The following CTTNBP2 variants were observed in gnomAD, a reference collection of about 807,000 sequenced individuals.
CTTNBP2 encodes the protein cortactin binding protein 2, also known as cortactin-binding protein 2.
In CTTNBP2, 108 loss-of-function variants were observed where a neutral mutation model predicts 156.9. The ratio of observed to expected loss-of-function variants is 0.69; its 90% CI spans 0.59 to 0.81. The LOEUF is 0.81. Among genes scored for constraint, CTTNBP2 ranks in the 30% least tolerant of loss-of-function variants. The pLI, the probability that CTTNBP2 is intolerant of heterozygous loss-of-function variation, is 0.00. For synonymous variants in CTTNBP2, 767 were observed against 751.8 expected, an observed-to-expected ratio of 1.02 and a Z score of -0.33; for missense variants, 1,924 against 2,035.4, an observed-to-expected ratio of 0.95 and a Z score of 1.05.
chr7:117,763,555 CT>C (rs767309488), intron 9 of CTTNBP2, among the ~76,000 whole-genome samples: 1,749 of 103,372 alleles, frequency 0.017, 11 homozygotes, highest in African/African-American at 0.041. Context: ...TCTTCTTCTT[CT>C]TTTTTTTTTT....
intron 2 of CTTNBP2, among the ~76,000 whole-genome samples, chr7:117,858,153 G>T: frequency 6.6e-6 from 1 of 152,190 alleles, no homozygotes; most frequent in East Asian, 1.9e-4. Context: ...GGCAGATCAC[G>T]AGGTCAGGAG....
chr7:117,867,644 A>G (rs1432804470), intron 1 of CTTNBP2, among the ~76,000 whole-genome samples: 1 of 152,166 alleles, frequency 6.6e-6, no homozygotes, highest in Admixed American at 6.6e-5. Context: ...TCTTACTAAG[A>G]TACAATGTTT....
intron 9 of CTTNBP2, 31 bp from the exon 10 acceptor site, chr7:117,760,741 A>T (rs757547061): frequency 6.6e-7 from 1 of 1,510,204 alleles, no homozygotes; most frequent in South Asian, 1.2e-5. Flanking sequence ...TTAGGAGTTA[A>T]AAAAATCTGG....
chr7:117,861,134 A>G (rs1803707733), intron 2 of CTTNBP2, 75 bp downstream of exon 2: 2 of 834,028 alleles, frequency 2.4e-6, no homozygotes, highest in African/African-American at 1.7e-5. Flanking sequence ...AAATTAAGAA[A>G]AAGAAGGTTT....
In CTTNBP2 at chr7:117,778,965, C is replaced by T. The variant is rs1268425378; in HGVS notation, c.2524-1200G>A. Reference sequence around the variant, plus strand: ...AAGACAGAGAAATAGGCAATAAATACGAACAATCTAAATTTGGGCTAAGTC... The same window carrying T: ...AAGACAGAGAAATAGGCAATAAATATGAACAATCTAAATTTGGGCTAAGTC... On this transcript the variant is annotated intron_variant, in intron 7 of 22. Coordinates refer to ENST00000160373, the MANE Select transcript of CTTNBP2 (RefSeq NM_033427.3). Among the ~76,000 whole-genome samples the T allele has an allele frequency of 4.6e-5, 7 of 152,000 alleles. No individual in the cohort carries two copies. The South Asian group carries it at 6.2e-4, about 14-fold the overall frequency.
chr7:117,740,459 T>C (rs375915795), intron 14 of CTTNBP2, among the ~76,000 whole-genome samples: 1 of 152,094 alleles, frequency 6.6e-6, no homozygotes, highest in South Asian at 2.1e-4. Context: ...TCTCACCCCA[T>C]TCAACCCACA....
At chr7:117,774,632 C>T (rs191572869) in intron 8 of CTTNBP2, among the ~76,000 whole-genome samples, 2,278 of 150,712 alleles carry the variant, frequency 0.015, 14 homozygotes, top group South Asian at 0.028. Flanking sequence ...ACCCCACCCC[C>T]AACCATGGAA....
chr7:117,725,938 C>T (rs1350871395), intron 17 of CTTNBP2, among the ~76,000 whole-genome samples: 2 of 152,166 alleles, frequency 1.3e-5, no homozygotes, highest in African/African-American at 4.8e-5. Flanking sequence ...ATCTGCCTGC[C>T]TTGTCCTCCC....
intron 21 of CTTNBP2, 104 bp from the exon 22 acceptor site, chr7:117,718,223 T>C: frequency 2.9e-6 from 2 of 678,804 alleles, no homozygotes; most frequent in Non-Finnish European, 5.2e-6. Context: ...GTTACTCTTA[T>C]CCTCTTCCCT....
intron 9 of CTTNBP2, among the ~76,000 whole-genome samples, chr7:117,762,655 C>A (rs1797273438): frequency 1.3e-5 from 2 of 152,230 alleles, no homozygotes; most frequent in Admixed American, 1.3e-4. Context: ...TGATTCTCAA[C>A]AAAGCAGCCA....
intron 14 of CTTNBP2, among the ~76,000 whole-genome samples, chr7:117,744,096 T>A (rs1796181508): frequency 6.6e-6 from 1 of 152,314 alleles, no homozygotes; most frequent in Non-Finnish European, 1.5e-5. Context: ...AGGCTTGTGA[T>A]GTGAAATAAT....
At chr7:117,747,813 G>A (rs974579644) in intron 12 of CTTNBP2, among the ~76,000 whole-genome samples, 1 of 152,098 alleles carries the variant, frequency 6.6e-6, no homozygotes, top group African/African-American at 2.4e-5. Flanking sequence ...GGCCTCTAAG[G>A]AGACTAAGGA....
chr7:117,749,138 T>C (rs1219149075), intron 12 of CTTNBP2, among the ~76,000 whole-genome samples: 1 of 152,226 alleles, frequency 6.6e-6, no homozygotes, highest in African/African-American at 2.4e-5. Flanking sequence ...TTTAAGGGTG[T>C]GTTCTTCCCT....
intron 14 of CTTNBP2, among the ~76,000 whole-genome samples, chr7:117,737,140 G>C (rs556024245): frequency 6.6e-6 from 1 of 152,222 alleles, no homozygotes; most frequent in African/African-American, 2.4e-5. Context: ...CTAGCATCTA[G>C]TGTGTGTCAG....
chr7:117,737,574 C>G (rs1338046836), intron 14 of CTTNBP2, among the ~76,000 whole-genome samples: 1 of 152,034 alleles, frequency 6.6e-6, no homozygotes, highest in Non-Finnish European at 1.5e-5. Context: ...GGGTGTGTAG[C>G]ATTTTATTTA....
Position 117,782,803 on chromosome 7 carries a change from G to A in CTTNBP2, c.2372+59C>T. On this transcript the variant is annotated intron_variant, in intron 6 of 22. Transcript: ENST00000160373. Reference sequence around the variant, plus strand: ...ATTCAGCCGGAACTAAAATACGTGTGCAAATTATAAAAAGAGGCTCCTTTG... The same window carrying A: ...ATTCAGCCGGAACTAAAATACGTGTACAAATTATAAAAAGAGGCTCCTTTG... 4 of 1,204,904 alleles carry A rather than the reference G, an allele frequency of 3.3e-6. No individual in the cohort carries two copies. The Admixed American group carries it at 6.1e-5, about 18-fold the overall frequency. The allele number at this position is 1,204,904 out of a possible 1,614,324, so 74.6% of individuals were successfully genotyped here. A position where few individuals can be genotyped will look rare whatever the true frequency, so the allele number is the denominator to read the frequency against.
intron 11 of CTTNBP2, among the ~76,000 whole-genome samples, chr7:117,757,225 C>A (rs556144919): frequency 9.9e-5 from 15 of 152,198 alleles, no homozygotes; most frequent in Admixed American, 5.2e-4. Flanking sequence ...AGACTCCATT[C>A]CCAAGTATGG....
chr7:117,777,523 G>A lies in CTTNBP2; in HGVS notation c.2766C>T (p.Ser922=). Residue 922 remains serine, a synonymous_variant, in exon 8 of 23, where the codon TCC becomes TCT. Coordinates refer to ENST00000160373, the MANE Select transcript of CTTNBP2 (RefSeq NM_033427.3). The part of the protein sequence containing the change: ...EGWTAAHIAA[S]KGFKNCLEIL... ...CTACCAGACACACCTTAAAACCTTT[G>A]GAAGCAGCAATGTGGGCAGCAGTCC... 1 of 1,613,002 alleles carries A rather than the reference G, an allele frequency of 6.2e-7. No homozygotes were observed.
chr7:117,870,469 T>C (rs1277083174), intron 1 of CTTNBP2, among the ~76,000 whole-genome samples: 2 of 152,256 alleles, frequency 1.3e-5, no homozygotes, highest in African/African-American at 4.8e-5. Flanking sequence ...AACATCACTG[T>C]CGTGCATTTT....
Sources: gnomAD v4.1 joint callset for allele counts (sites outside exome capture counted in the v4.1 genomes callset) on GRCh38, gnomAD v4.1.1 for gene constraint, MANE v1.5 for transcripts, NCBI Gene and HGNC (gene_info 2026-07-23, HGNC 2026-07-21) for gene names.